The following KIRREL3 variants were observed in gnomAD, a reference collection of about 807,000 sequenced individuals.
KIRREL3 encodes kirre like nephrin family adhesion molecule 3, also known as kin of IRRE-like protein 3.
KIRREL3 carries 36 observed loss-of-function variants against 89.7 expected under a neutral mutation model. The ratio of observed to expected loss-of-function variants is 0.40; its 90% CI spans 0.31 to 0.53. The LOEUF (loss-of-function observed/expected upper bound fraction) is 0.53, where lower values mean the gene tolerates loss of function less well. Ranked by LOEUF, KIRREL3 falls within the 20% of genes least tolerant of loss-of-function variation. The pLI is 0.49. For synonymous variants in KIRREL3, 445 were observed against 441.4 expected, an observed-to-expected ratio of 1.01 and a Z score of -0.10; for missense variants, 864 against 1,056.6, an observed-to-expected ratio of 0.82 and a Z score of 2.53.
rs138041518 is a variant in KIRREL3, at chr11:126,643,528, G to C, written c.56-80616C>G. ...AAGGTGACTAGTGGGAAATAGGACT[G>C]AAGATGTAGGCTGAGGCGATATCAT... On this transcript the variant is annotated intron_variant, in intron 1 of 16. Coordinates refer to ENST00000525144, the MANE Select transcript of KIRREL3 (RefSeq NM_032531.4). The surrounding 1 kb of genome is among the most constrained non-coding windows in gnomAD (Gnocchi z 4.5). 7.5e-4 allele frequency among the ~76,000 whole-genome samples: 115 copies of C among 152,320 alleles called. No individual in the cohort carries two copies. The East Asian group carries it at 0.017, about 22-fold the overall frequency.
chr11:126,720,264 A>G (rs1948119205), intron 1 of KIRREL3, among the ~76,000 whole-genome samples: 1 of 152,162 alleles, frequency 6.6e-6, no homozygotes, highest in Admixed American at 6.5e-5. Flanking sequence ...GTGCCAAATA[A>G]ATATTTGCTG....
At chr11:126,938,630 T>C (rs977637771) in intron 1 of KIRREL3, among the ~76,000 whole-genome samples, 3 of 152,230 alleles carry the variant, frequency 2.0e-5, no homozygotes, top group Admixed American at 6.5e-5. Context: ...GGATGATTGC[T>C]CGTGGGAGTC....
chr11:126,573,057 A>G (rs934260205), intron 1 of KIRREL3, among the ~76,000 whole-genome samples: 1 of 152,070 alleles, frequency 6.6e-6, no homozygotes. Context: ...CAGGGTTTTT[A>G]GGGGTGGAGA....
intron 1 of KIRREL3, among the ~76,000 whole-genome samples, chr11:126,950,688 C>T (rs1423924822): frequency 3.3e-5 from 5 of 152,212 alleles, no homozygotes; most frequent in African/African-American, 1.2e-4. Flanking sequence ...CCTTTCTTCT[C>T]CCATTGTACA....
intron 1 of KIRREL3, among the ~76,000 whole-genome samples, chr11:126,889,051 A>G (rs1945805183): frequency 6.6e-6 from 1 of 152,210 alleles, no homozygotes. Flanking sequence ...AGATTTACTG[A>G]AGTATGATTG....
rs55885385 is a variant in KIRREL3 at position 126,511,047 on chromosome 11, C to CTGTG, written c.433+10264_433+10267dup. Reference sequence around the variant, plus strand: ...CTGGGCTCCCTGGAGATCTGCAGTGCTGTGTGTGTGTGTGTGTGTGTGTGT... The same window carrying CTGTG: ...CTGGGCTCCCTGGAGATCTGCAGTGCTGTGTGTGTGTGTGTGTGTGTGTGTGTGT... On this transcript the variant is annotated intron_variant, in intron 4 of 16. Coordinates refer to ENST00000525144, the MANE Select transcript of KIRREL3 (RefSeq NM_032531.4). Among the ~76,000 whole-genome samples the CTGTG allele has an allele frequency of 4.0e-3, 570 of 142,242 alleles. 3 individuals carry two copies. Among genetic ancestry groups the CTGTG allele is most frequent in the Middle Eastern group, 0.011 (3 of 274 alleles). 93.3% of individuals were successfully genotyped at this position (142,242 alleles called of 152,430 possible). A position where few individuals can be genotyped will look rare whatever the true frequency, so the allele number is the denominator to read the frequency against.
At position 126,563,661 on chromosome 11, in the gene KIRREL3, C is replaced by G. The variant is rs1289892284; in HGVS notation, c.56-749G>C. Among the ~76,000 whole-genome samples the G allele has an allele frequency of 6.6e-6, 1 of 152,182 alleles. No homozygotes were observed. The highest frequency in any genetic ancestry group is 6.5e-5 in the Admixed American group (1 of 15,286). On this transcript the variant is annotated intron_variant, in intron 1 of 16. Coordinates refer to ENST00000525144, the MANE Select transcript of KIRREL3 (RefSeq NM_032531.4). This position sits in a 1 kb window ranked among gnomAD's most constrained non-coding sequence, Gnocchi z 6.8. ...CAGTTGGAAAAACAAGATGGAATAA[C>G]AATTCCAGGTAGCAAATGCAAGAGA...
intron 1 of KIRREL3, among the ~76,000 whole-genome samples, chr11:126,789,039 A>G (rs1170237520): frequency 7.2e-5 from 11 of 152,088 alleles, no homozygotes; most frequent in Admixed American, 7.2e-4. Context: ...TCCTCTGAAT[A>G]GCTCTGTCAC....
At position 126,904,651 on chromosome 11, in the gene KIRREL3, C is replaced by G. The variant is rs1014459728; in HGVS notation, c.55+95804G>C. Among the ~76,000 whole-genome samples the G allele has an allele frequency of 1.3e-5, 2 of 152,132 alleles. No homozygotes were observed. The highest frequency in any genetic ancestry group is 4.8e-5 in the African/African-American group (2 of 41,438). On this transcript the variant is annotated intron_variant, in intron 1 of 16. Coordinates refer to ENST00000525144, the MANE Select transcript of KIRREL3 (RefSeq NM_032531.4). The surrounding 1 kb of genome is among the most constrained non-coding windows in gnomAD (Gnocchi z 4.4). Reference sequence around the variant, plus strand: ...CTTACAAGGCTGTTCTTACTTATACCAAGAACAATCTGTCTCCTGCTACAG... The same window carrying G: ...CTTACAAGGCTGTTCTTACTTATACGAAGAACAATCTGTCTCCTGCTACAG...
intron 6 of KIRREL3, among the ~76,000 whole-genome samples, chr11:126,457,000 A>T (rs926990405): frequency 2.6e-5 from 4 of 152,048 alleles, no homozygotes; most frequent in Non-Finnish European, 5.9e-5. Flanking sequence ...TCCTCATTTG[A>T]CGTGATAAGA....
chr11:126,998,180 T>G (rs73018718), intron 1 of KIRREL3, among the ~76,000 whole-genome samples: 1 of 152,072 alleles, frequency 6.6e-6, no homozygotes, highest in Non-Finnish European at 1.5e-5. Context: ...GTGAGGATGG[T>G]CAAATAGAAT....
chr11:126,922,145 A>G (rs577642558), intron 1 of KIRREL3, among the ~76,000 whole-genome samples: 4 of 150,852 alleles, frequency 2.7e-5, no homozygotes, highest in African/African-American at 9.8e-5. Flanking sequence ...CTATCTATCT[A>G]TCTATCTATC....
At chr11:126,577,561 A>G (rs1472090014) in intron 1 of KIRREL3, among the ~76,000 whole-genome samples, 1 of 142,738 alleles carries the variant, frequency 7.0e-6, no homozygotes, top group Admixed American at 7.4e-5. Flanking sequence ...AGCCTGGCCA[A>G]TGTGGCGAAA....
rs1956273126 is a variant in KIRREL3, at chr11:126,454,338, G to T, written c.848+2011C>A. ...CCCAGGGCGTGCAGCCCTGCTGTCT[G>T]CCCAGCCTACCCATCACTAGGACCC... On this transcript the variant is annotated intron_variant, in intron 7 of 16. Transcript: ENST00000525144. The surrounding 1 kb of genome is among the most constrained non-coding windows in gnomAD (Gnocchi z 5.8). Among the ~76,000 whole-genome samples, 1 of 152,162 alleles carries T rather than the reference G, an allele frequency of 6.6e-6. No individual in the cohort carries two copies. Among genetic ancestry groups the T allele is most frequent in the African/African-American group, 2.4e-5 (1 of 41,440 alleles).
chr11:126,774,033 T>C (rs1452867317), intron 1 of KIRREL3, among the ~76,000 whole-genome samples: 1 of 151,986 alleles, frequency 6.6e-6, no homozygotes, highest in African/African-American at 2.4e-5. Context: ...TGGGGTAAAG[T>C]GAGTGAACGC....
At chr11:126,680,101 T>C (rs1946381482) in intron 1 of KIRREL3, among the ~76,000 whole-genome samples, 1 of 152,230 alleles carries the variant, frequency 6.6e-6, no homozygotes, top group Non-Finnish European at 1.5e-5. Context: ...TTCTCTGAGA[T>C]GAATTTCTCA....
Position 126,520,077 on chromosome 11 carries a change from G to A in KIRREL3, c.433+1238C>T, listed in dbSNP as rs1416360235. Reference sequence around the variant, plus strand: ...AGAAGTCAAGCTCCGAGCTTGGTAAGTGGTCCTCCGGGGCCTGTCTGCTGC... The same window carrying A: ...AGAAGTCAAGCTCCGAGCTTGGTAAATGGTCCTCCGGGGCCTGTCTGCTGC... On this transcript the variant is annotated intron_variant, in intron 4 of 16. Coordinates refer to ENST00000525144, the MANE Select transcript of KIRREL3 (RefSeq NM_032531.4). The surrounding 1 kb of genome is among the most constrained non-coding windows in gnomAD (Gnocchi z 4.9). Among the ~76,000 whole-genome samples, 1 of 152,200 alleles carries A rather than the reference G, an allele frequency of 6.6e-6. No individual in the cohort carries two copies. The highest frequency in any genetic ancestry group is 2.4e-5 in the African/African-American group (1 of 41,458).
chr11:126,828,040 C>T (rs1480200704), intron 1 of KIRREL3, among the ~76,000 whole-genome samples: 2 of 152,166 alleles, frequency 1.3e-5, no homozygotes, highest in Non-Finnish European at 2.9e-5. Flanking sequence ...GATAATATGA[C>T]TTACCTCAAA....
In KIRREL3 at chr11:126,436,899, G is replaced by A. The variant is rs367818668; in HGVS notation, c.1464C>T (p.Ile488=). The A allele has an allele frequency of 5.1e-4, 816 of 1,613,570 alleles. 3 individuals carry two copies. Among genetic ancestry groups the A allele is most frequent in the South Asian group, 2.7e-3 (242 of 91,048 alleles). Residue 488 remains isoleucine (I), a synonymous_variant, in exon 12 of 17, where the codon ATC becomes ATT. Transcript: ENST00000525144. ...AGATGGTCTGGAAGTCGGCCCGCAC[G>A]ATGTTGCTGATGGTCAGGGTGGAGA... ...GVISTLTISN[I]VRADFQTIYN... is the part of the protein sequence containing the mutation.
Sources: allele counts gnomAD v4.1 joint callset (sites outside exome capture counted in the v4.1 genomes callset), GRCh38; gene constraint gnomAD v4.1.1; non-coding constraint Gnocchi (gnomAD v3.1); transcripts MANE v1.5; gene names NCBI Gene and HGNC (gene_info 2026-07-23, HGNC 2026-07-21).